SFMBT1: variants seen among roughly 807,000 people sequenced by gnomAD.
SFMBT1 encodes scm-like with four MBT domains protein 1.
SFMBT1 carries 32 observed loss-of-function variants against 108.7 expected under a neutral mutation model. The ratio of observed to expected loss-of-function variants is 0.29; its 90% CI spans 0.22 to 0.40. SFMBT1 has a LOEUF of 0.40. SFMBT1 is among the 10% of genes least tolerant of loss of function. SFMBT1 has a pLI of 1.00. For missense variants in SFMBT1, 816 were observed against 1,059.6 expected (o/e 0.77, Z 3.19); for synonymous variants, 348 against 369.5 (o/e 0.94, Z 0.67).
intron 1 of SFMBT1, among the ~76,000 whole-genome samples, chr3:53,040,991 T>TTTTTTTTTTTTTG (rs1700030987): frequency 8.0e-6 from 1 of 124,582 alleles, no homozygotes; most frequent in Non-Finnish European, 1.7e-5. Flanking sequence ...TTTTTTTTTT[T>TTTTTTTTTTTTTG]TTTTTTTTTT....
intron 1 of SFMBT1, among the ~76,000 whole-genome samples, chr3:52,983,200 T>G (rs1420577258): frequency 6.6e-6 from 1 of 152,120 alleles, no homozygotes. Flanking sequence ...CTACCCAACG[T>G]GAAGATGACA....
intron 2 of SFMBT1, among the ~76,000 whole-genome samples, chr3:52,959,058 T>C (rs540633187): frequency 8.7e-5 from 13 of 149,840 alleles, no homozygotes; most frequent in Admixed American, 6.0e-4. Flanking sequence ...TTCTCACTTA[T>C]AAGTGGGAGC....
intron 1 of SFMBT1, among the ~76,000 whole-genome samples, chr3:52,996,389 T>A (rs1698333370): frequency 6.7e-6 from 1 of 148,598 alleles, no homozygotes; most frequent in Non-Finnish European, 1.5e-5. Flanking sequence ...ATTTTTGTAT[T>A]TTTTTAGTAG....
chr3:52,955,618 T>C (rs1047337814), intron 2 of SFMBT1, among the ~76,000 whole-genome samples: 2 of 152,064 alleles, frequency 1.3e-5, no homozygotes, highest in African/African-American at 4.8e-5. Context: ...AATGGATAAA[T>C]TCCTGGACAC....
At chr3:52,961,996 T>G (rs1003766007) in intron 2 of SFMBT1, among the ~76,000 whole-genome samples, 2 of 152,240 alleles carry the variant, frequency 1.3e-5, no homozygotes, top group Admixed American at 1.3e-4. Flanking sequence ...TGAGAGTTTA[T>G]TAAAGAAATA....
chr3:53,007,143 T>C lies in SFMBT1; in HGVS notation c.-130-37885A>G, dbSNP rs552006097. Among the ~76,000 whole-genome samples, 72 of 152,390 alleles carry C rather than the reference T, an allele frequency of 4.7e-4. 2 individuals are homozygous for C. The South Asian group carries it at 0.015, about 31-fold the overall frequency. The stretch of plus-strand genomic sequence containing the variant: ...TTGTTTCAATGATACTAAAATGCTT[T>C]ATCAATCAAAAGTGTTTGGGGGCTT... On this transcript the variant is annotated intron_variant, in intron 1 of 20. Transcript: ENST00000394752.
rs1214317227 is a variant in SFMBT1, at chr3:52,943,688, C to T, written c.124-95G>A. The T allele has an allele frequency of 2.7e-6, 4 of 1,485,584 alleles. No individual in the cohort carries two copies. The Admixed American group carries it at 6.9e-5, about 26-fold the overall frequency. 92.0% of individuals were successfully genotyped at this position (1,485,584 alleles called of 1,614,324 possible). A position where few individuals can be genotyped will look rare whatever the true frequency, so the allele number is the denominator to read the frequency against. ...TTTTAAGACTTACAATTCCGAAGCA[C>T]TAAATGCAATAACATCTCAAGGAAA... On this transcript the variant is annotated intron_variant, in intron 3 of 20. Coordinates refer to ENST00000394752, the MANE Select transcript of SFMBT1 (RefSeq NM_016329.4).
At chr3:52,928,637 C>CATATATATATACAT (rs1559514050) in intron 8 of SFMBT1, 902 of 78,454 alleles carry the variant, frequency 0.011, 38 homozygotes, top group African/African-American at 0.044. Context: ...CATATATATA[C>CATATATATATACAT]ATATATATAT....
Position 53,039,784 on chromosome 3 carries a change from G to A in SFMBT1, c.-131+6032C>T, listed in dbSNP as rs891495037. 2.0e-5 allele frequency among the ~76,000 whole-genome samples: 3 copies of A among 152,068 alleles called. No homozygotes were observed. In the South Asian group the frequency reaches 6.2e-4, roughly 32 times the overall value. On this transcript the variant is annotated intron_variant, in intron 1 of 20. Transcript: ENST00000394752. ...CAAGCAGCTGGGACTACAGGTGTCC[G>A]CCACCACACCTGGCTAATTTTGGTA...
At chr3:53,034,249 A>T (rs1289537050) in intron 1 of SFMBT1, among the ~76,000 whole-genome samples, 4 of 152,172 alleles carry the variant, frequency 2.6e-5, no homozygotes, top group Non-Finnish European at 4.4e-5. Flanking sequence ...ATAATACTTT[A>T]TAAAATTTAA....
intron 1 of SFMBT1, among the ~76,000 whole-genome samples, chr3:52,982,775 C>T (rs1704760753): frequency 7.5e-6 from 1 of 132,962 alleles, no homozygotes; most frequent in African/African-American, 2.8e-5. Flanking sequence ...TGGAGAAATT[C>T]AAGAGCTAAT....
At chr3:52,965,684 C>T (rs2106852315) in intron 2 of SFMBT1, among the ~76,000 whole-genome samples, 1 of 151,940 alleles carries the variant, frequency 6.6e-6, no homozygotes, top group Non-Finnish European at 1.5e-5. Flanking sequence ...GAAATGAAGA[C>T]AATCTGTCAC....
At chr3:53,003,710 T>C (rs1410688490) in intron 1 of SFMBT1, among the ~76,000 whole-genome samples, 1 of 145,676 alleles carries the variant, frequency 6.9e-6, no homozygotes, top group Non-Finnish European at 1.5e-5. Flanking sequence ...TCATGGATGC[T>C]GCTACCCTGC....
chr3:52,951,666 T>G (rs1243079230), intron 3 of SFMBT1, among the ~76,000 whole-genome samples: 1 of 152,136 alleles, frequency 6.6e-6, no homozygotes. Context: ...TGGGCCGAAT[T>G]AAATGAATAG....
chr3:52,996,986 T>C (rs1698356960), intron 1 of SFMBT1, among the ~76,000 whole-genome samples: 1 of 149,122 alleles, frequency 6.7e-6, no homozygotes, highest in African/African-American at 2.4e-5. Context: ...GAAGAATAGC[T>C]TGAACCTGGG....
At chr3:52,936,856 T>A (rs975265735) in intron 4 of SFMBT1, among the ~76,000 whole-genome samples, 1 of 152,042 alleles carries the variant, frequency 6.6e-6, no homozygotes, top group Admixed American at 6.5e-5. Context: ...ATTTCCTTTC[T>A]ATAACGCTGA....
intron 1 of SFMBT1, among the ~76,000 whole-genome samples, chr3:52,986,224 G>A (rs1236688688): frequency 6.6e-6 from 1 of 151,912 alleles, no homozygotes; most frequent in African/African-American, 2.4e-5. Context: ...GGACTGGGAA[G>A]TTGTTCTGGG....
chr3:52,977,138 A>G (rs1290506082), intron 1 of SFMBT1, among the ~76,000 whole-genome samples: 1 of 152,250 alleles, frequency 6.6e-6, no homozygotes. Flanking sequence ...TCCTCATTTC[A>G]GGGCATACAC....
Position 53,002,663 on chromosome 3 carries a change from C to T in SFMBT1, c.-130-33405G>A, listed in dbSNP as rs185769001. Reference sequence around the variant, plus strand: ...ACAGTCCAAGGCCACTGACTACCATCCAAAACCCTACAGTCATTGGGCTCA... The same window carrying T: ...ACAGTCCAAGGCCACTGACTACCATTCAAAACCCTACAGTCATTGGGCTCA... On this transcript the variant is annotated intron_variant, in intron 1 of 20. Transcript: ENST00000394752. 2.3e-3 allele frequency among the ~76,000 whole-genome samples: 338 copies of T among 150,066 alleles called. 7 individuals are homozygous for T. Among genetic ancestry groups the T allele is most frequent in the African/African-American group, 7.1e-3 (295 of 41,336 alleles).
Sources: gnomAD v4.1 joint callset for allele counts (sites outside exome capture counted in the v4.1 genomes callset) on GRCh38, gnomAD v4.1.1 for gene constraint, MANE v1.5 for transcripts, NCBI Gene and HGNC (gene_info 2026-07-23, HGNC 2026-07-21) for gene names.